TFCP2L1: variants seen among roughly 807,000 people sequenced by gnomAD.
The protein encoded by TFCP2L1 is transcription factor CP2 like 1, also known as transcription factor CP2-like protein 1.
TFCP2L1 carries 12 observed loss-of-function variants against 72.2 expected under a neutral mutation model. The ratio of observed to expected loss-of-function variants is 0.17; its 90% CI spans 0.11 to 0.27. The LOEUF is 0.27. TFCP2L1 is among the 10% of genes least tolerant of loss of function. The pLI is 1.00. For synonymous variants in TFCP2L1, 260 were observed against 251.0 expected (o/e 1.04, Z -0.34); for missense variants, 488 against 624.6 (o/e 0.78, Z 2.33).
At chr2:121,248,902 T>TCG in intron 4 of TFCP2L1, 80 bp downstream of exon 4, 1 of 1,174,372 alleles carries the variant, frequency 8.5e-7, no homozygotes, top group South Asian at 1.6e-5. Context: ...TCGGCATAGG[T>TCG]CCGGGTGGCA....
chr2:121,232,903 C>A lies in TFCP2L1; in HGVS notation c.1199-935G>T, dbSNP rs926248671. 3.3e-5 allele frequency among the ~76,000 whole-genome samples: 5 copies of A among 152,208 alleles called. No individual in the cohort carries two copies. The South Asian group carries it at 1.0e-3, about 32-fold the overall frequency. On this transcript the variant is annotated intron_variant, in intron 12 of 14. Coordinates refer to ENST00000263707, the MANE Select transcript of TFCP2L1 (RefSeq NM_014553.3). ...CGGCAACCCAGGGTGGGTTACTCAA[C>A]TTCAAGGGACCTCAAGTTCCTCAAA...
At chr2:121,281,388 GCATCGCA>G in intron 1 of TFCP2L1, 117 bp from the exon 2 acceptor site, 1 of 1,149,300 alleles carries the variant, frequency 8.7e-7, no homozygotes, top group Non-Finnish European at 1.2e-6. Context: ...CACGGCACGC[GCATCGCA>G]GGGTGCTGGC....
intron 2 of TFCP2L1, among the ~76,000 whole-genome samples, chr2:121,279,233 G>A (rs1361345413): frequency 6.6e-6 from 1 of 152,142 alleles, no homozygotes; most frequent in African/African-American, 2.4e-5. Flanking sequence ...CTAAATTTAA[G>A]CAAAAAAGCA....
rs1685914592 is a variant in TFCP2L1 at position 121,220,821 on chromosome 2, T to C, written c.*3520A>G. ...GAGATATTTTGGTACCAAATTACCATGTGTACTTTTTTTTGGTATTTATTA... is the reference window on the plus strand; with the variant it reads ...GAGATATTTTGGTACCAAATTACCACGTGTACTTTTTTTTGGTATTTATTA... On this transcript the variant is annotated 3_prime_UTR_variant, in exon 15 of 15. Coordinates refer to ENST00000263707, the MANE Select transcript of TFCP2L1 (RefSeq NM_014553.3). The C allele has an allele frequency of 6.6e-6, 1 of 152,234 alleles. No individual in the cohort carries two copies. The highest frequency in any genetic ancestry group is 1.5e-5 in the Non-Finnish European group (1 of 68,040). 9.4% of individuals were successfully genotyped at this position (152,234 alleles called of 1,614,324 possible).
chr2:121,233,889 C>T (rs1015270194), intron 12 of TFCP2L1, among the ~76,000 whole-genome samples: 11 of 152,258 alleles, frequency 7.2e-5, no homozygotes, highest in African/African-American at 2.7e-4. Flanking sequence ...TAAGGCAGCA[C>T]CCACACTGCG....
intron 7 of TFCP2L1, among the ~76,000 whole-genome samples, chr2:121,241,965 A>T (rs1479622736): frequency 2.0e-5 from 3 of 151,548 alleles, no homozygotes; most frequent in Non-Finnish European, 2.9e-5. Flanking sequence ...CAGATACAGA[A>T]GGTTTCTGCC....
At chr2:121,227,739 A>ACACACACACACG (rs1448004069) in intron 13 of TFCP2L1, among the ~76,000 whole-genome samples, 6 of 151,888 alleles carry the variant, frequency 4.0e-5, no homozygotes, top group Non-Finnish European at 7.4e-5. Flanking sequence ...ACACACACAC[A>ACACACACACACG]CACACACACA....
At chr2:121,247,891 G>A (rs548988540) in intron 5 of TFCP2L1, among the ~76,000 whole-genome samples, 73 of 152,334 alleles carry the variant, frequency 4.8e-4, no homozygotes, top group African/African-American at 1.7e-3. Context: ...AATGATTTCT[G>A]TTGGGAAATA....
chr2:121,243,077 A>G (rs1489437008), intron 6 of TFCP2L1, among the ~76,000 whole-genome samples: 1 of 152,202 alleles, frequency 6.6e-6, no homozygotes, highest in Non-Finnish European at 1.5e-5. Flanking sequence ...ATGGGAGAGG[A>G]TCCAAGTGAG....
At chr2:121,236,301 T>C (rs1214060618) in intron 10 of TFCP2L1, among the ~76,000 whole-genome samples, 2 of 152,148 alleles carry the variant, frequency 1.3e-5, no homozygotes, top group African/African-American at 4.8e-5. Context: ...TGTGTTTGGC[T>C]CTAGCAGATA....
rs1686155452 is a variant in TFCP2L1 at position 121,232,082 on chromosome 2, G to T, written c.1199-114C>A. 21 of 1,185,064 alleles carry T rather than the reference G, an allele frequency of 1.8e-5. 1 individual carries two copies. The South Asian group carries it at 3.3e-4, about 18-fold the overall frequency. 73.4% of individuals were successfully genotyped at this position (1,185,064 alleles called of 1,614,324 possible). On this transcript the variant is annotated intron_variant, in intron 12 of 14. Coordinates refer to ENST00000263707, the MANE Select transcript of TFCP2L1 (RefSeq NM_014553.3). ...TTGTCAAAATGCCACACCCAGGGCG[G>T]CGGGGCAGGACCACACTGCCACTCT...
chr2:121,247,934 C>T (rs1472158733), intron 5 of TFCP2L1, among the ~76,000 whole-genome samples: 1 of 152,210 alleles, frequency 6.6e-6, no homozygotes, highest in Non-Finnish European at 1.5e-5. Context: ...ATTCTACGGG[C>T]AAAACCCAGA....
chr2:121,224,469 G>A, intron 14 of TFCP2L1, 82 bp from the exon 15 acceptor site: 1 of 1,460,960 alleles, frequency 6.8e-7, no homozygotes, highest in South Asian at 1.2e-5. Context: ...AAGGCACGCT[G>A]TTAGGGTATC....
intron 2 of TFCP2L1, among the ~76,000 whole-genome samples, chr2:121,274,278 C>A (rs1438031712): frequency 6.6e-6 from 1 of 151,982 alleles, no homozygotes; most frequent in Non-Finnish European, 1.5e-5. Flanking sequence ...CTACTATACT[C>A]TCAAGGCACT....
chr2:121,235,151 G>A lies in TFCP2L1; in HGVS notation c.1094+70C>T. ...ACCACCCACCATCCAAAAGGCTGAG[G>A]TAGGGGTTTCCCACCACATGCCACG... is the stretch of plus-strand genomic sequence containing the variant. On this transcript the variant is annotated intron_variant, in intron 11 of 14. Transcript: ENST00000263707. 5 of 1,543,092 alleles carry A rather than the reference G, an allele frequency of 3.2e-6. No individual in the cohort carries two copies. The South Asian group carries it at 3.4e-5, about 10-fold the overall frequency.
rs1685859129 is a variant in TFCP2L1 at position 121,217,683 on chromosome 2, C to T, written c.*6658G>A. Reference sequence around the variant, plus strand: ...TAGGTGGAGGTGAGATCAGGCTGCCCCTCCCAGGACAAGAGTGTGAGCTGG... The same window carrying T: ...TAGGTGGAGGTGAGATCAGGCTGCCTCTCCCAGGACAAGAGTGTGAGCTGG... On this transcript the variant is annotated 3_prime_UTR_variant, in exon 15 of 15. Transcript: ENST00000263707. 1 of 152,520 alleles carries T rather than the reference C, an allele frequency of 6.6e-6. No individual in the cohort carries two copies. Among genetic ancestry groups the T allele is most frequent in the Non-Finnish European group, 1.5e-5 (1 of 68,278 alleles). The allele number at this position is 152,520 out of a possible 1,614,324, so 9.4% of individuals were successfully genotyped here.
In TFCP2L1 at chr2:121,220,966, G is replaced by C. The variant is rs576985344; in HGVS notation, c.*3375C>G. ...TACTAATAGCACACTTAAGGTAACAGACTTTTATTACATCTTCTTTTGGAA... is the reference window on the plus strand; with the variant it reads ...TACTAATAGCACACTTAAGGTAACACACTTTTATTACATCTTCTTTTGGAA... On this transcript the variant is annotated 3_prime_UTR_variant, in exon 15 of 15. Coordinates refer to ENST00000263707, the MANE Select transcript of TFCP2L1 (RefSeq NM_014553.3). 3 of 152,180 alleles carry C rather than the reference G, an allele frequency of 2.0e-5. No individual in the cohort carries two copies. The highest frequency in any genetic ancestry group is 1.3e-4 in the Admixed American group (2 of 15,286). 9.4% of individuals were successfully genotyped at this position (152,180 alleles called of 1,614,324 possible).
chr2:121,246,804 C>T lies in TFCP2L1; in HGVS notation c.657+14G>A, dbSNP rs766834166. ...CAGCAGCAGGGCACGGCAGAGCCTG[C>T]GAAGCCATCCTACCTTGAACACCTT... On this transcript the variant is annotated intron_variant, in intron 6 of 14. Transcript: ENST00000263707. 1.4e-5 allele frequency: 22 copies of T among 1,613,790 alleles called. No individual in the cohort carries two copies. In the Admixed American group the frequency reaches 2.5e-4, roughly 18 times the overall value.
In TFCP2L1 at chr2:121,237,668, G is replaced by A. The variant is rs141108940; in HGVS notation, c.958C>T (p.Arg320Cys). Residue 320 changes from arginine (R) to cysteine (C), a missense_variant, in exon 10 of 15, where the codon CGC (arginine) becomes TGC (cysteine). Physicochemically the swap from Arg to Cys is radical, Grantham distance 180. This residue lies in a region of TFCP2L1 where 286 missense variants were observed against 329.0 expected (regional missense o/e 0.87). Coordinates refer to ENST00000263707, the MANE Select transcript of TFCP2L1 (RefSeq NM_014553.3). ...SIQDAQQWLHRNRFSQFCRLF... is the reference protein window; with the variant it reads ...SIQDAQQWLHCNRFSQFCRLF... ...CGGCAGAACTGCGAGAACCTGTTGC[G>A]GTGAAGCCACTGCTGGGCATCCTGG... is the stretch of plus-strand genomic sequence containing the variant. 3.1e-5 allele frequency: 50 copies of A among 1,614,074 alleles called. No individual in the cohort carries two copies. Among genetic ancestry groups the A allele is most frequent in the Admixed American group, 1.8e-4 (11 of 60,002 alleles).
Sources: gnomAD v4.1 joint callset for allele counts (sites outside exome capture counted in the v4.1 genomes callset) on GRCh38, gnomAD v4.1.1 for gene constraint, gnomAD v4.1.1 regional missense constraint, MANE v1.5 for transcripts, NCBI Gene and HGNC (gene_info 2026-07-23, HGNC 2026-07-21) for gene names.